The following BAZ1B variants were observed in gnomAD, a reference collection of about 807,000 sequenced individuals.
The protein encoded by BAZ1B is bromodomain adjacent to zinc finger domain 1B, also known as tyrosine-protein kinase BAZ1B.
BAZ1B carries 22 observed loss-of-function variants against 153.8 expected under a neutral mutation model. That is an observed-to-expected ratio of 0.14 (90% CI 0.10 to 0.20). The LOEUF is 0.20. Among genes scored for constraint, BAZ1B ranks in the 10% least tolerant of loss-of-function variants. BAZ1B has a pLI of 1.00. For synonymous variants in BAZ1B, 676 were observed against 633.4 expected, an observed-to-expected ratio of 1.07 and a Z score of -1.01; for missense variants, 1,325 against 1,799.3, an observed-to-expected ratio of 0.74 and a Z score of 4.77.
Position 73,521,884 on chromosome 7 carries a change from G to A in BAZ1B, c.50C>T (p.Pro17Leu). 1 of 1,504,242 alleles carries A rather than the reference G, an allele frequency of 6.6e-7. No individual in the cohort carries two copies. The highest frequency in any genetic ancestry group is 8.9e-7 in the Non-Finnish European group (1 of 1,122,540). 93.2% of individuals were successfully genotyped at this position (1,504,242 alleles called of 1,614,324 possible). A position where few individuals can be genotyped will look rare whatever the true frequency, so the allele number is the denominator to read the frequency against. ...RKPFPLVKPLPGEEPLFTIPH... is the reference protein window; with the variant it reads ...RKPFPLVKPLLGEEPLFTIPH... ...GATGGTGAAGAGCGGCTCCTCTCCG[G>A]GCAACGGCTTCACCAGCGGGAAGGG... Residue 17 changes from proline (P) to leucine (L), a missense_variant, in exon 1 of 20, where the codon CCC becomes CTC. By Grantham distance (98) the Pro-to-Leu change is moderately conservative. Around this residue, in one of 9 missense-constraint regions of BAZ1B, gnomAD observed 61 missense variants for 61.5 expected, o/e 0.99. Transcript: ENST00000339594.
At chr7:73,499,793 C>T (rs1462040967) in intron 3 of BAZ1B, among the ~76,000 whole-genome samples, 7 of 152,198 alleles carry the variant, frequency 4.6e-5, no homozygotes, top group South Asian at 4.1e-4. Flanking sequence ...TTCTTTATCC[C>T]TGGTTATATT....
intron 7 of BAZ1B, among the ~76,000 whole-genome samples, chr7:73,476,396 G>A (rs1789001689): frequency 6.6e-6 from 1 of 152,168 alleles, no homozygotes; most frequent in Admixed American, 6.6e-5. Flanking sequence ...AATCTTAAAG[G>A]ACAGATTACT....
intron 3 of BAZ1B, among the ~76,000 whole-genome samples, chr7:73,505,166 T>C (rs1162552546): frequency 6.6e-6 from 1 of 152,204 alleles, no homozygotes; most frequent in Non-Finnish European, 1.5e-5. Context: ...GCCAATAACA[T>C]GTAAAGATAA....
Position 73,462,923 on chromosome 7 carries a change from C to A in BAZ1B, c.3248G>T (p.Arg1083Leu). 6.2e-7 allele frequency: 1 copy of A among 1,613,932 alleles called. No homozygotes were observed. The highest frequency in any genetic ancestry group is 8.5e-7 in the Non-Finnish European group (1 of 1,179,896). ...YVEETSEFEARVISLEKLKDF... is the reference protein window; with the variant it reads ...YVEETSEFEALVISLEKLKDF... ...AGGGGGATTTTCTTATATTCCTACC[C>A]GGGCTTCAAATTCTGATGTTTCTTC... The change falls in exon 12 of 20, where the codon CGG becomes CTG. Residue 1083 changes from arginine (R) to leucine (L), a missense_variant and splice_region_variant. Arg to Leu is a moderately radical substitution (Grantham distance 102). Around this residue, in one of 9 missense-constraint regions of BAZ1B, gnomAD observed 431 missense variants for 563.5 expected, o/e 0.76. Coordinates refer to ENST00000339594, the MANE Select transcript of BAZ1B (RefSeq NM_032408.4).
intron 7 of BAZ1B, among the ~76,000 whole-genome samples, chr7:73,472,998 G>A (rs959479096): frequency 1.3e-5 from 2 of 150,970 alleles, no homozygotes; most frequent in African/African-American, 2.4e-5. Context: ...GCTGGAGTAC[G>A]GTGGCCGATC....
chr7:73,489,435 T>A, intron 5 of BAZ1B, 44 bp from the exon 6 acceptor site: 1 of 1,598,122 alleles, frequency 6.3e-7, no homozygotes, highest in Non-Finnish European at 8.6e-7. Context: ...GGGTAAAAAG[T>A]AATTACCCAA....
At chr7:73,469,679 C>A (rs1299892452) in intron 8 of BAZ1B, 29 bp from the exon 9 acceptor site, 1 of 1,612,202 alleles carries the variant, frequency 6.2e-7, no homozygotes, top group African/African-American at 1.3e-5. Context: ...ATTAATAAGA[C>A]AGTGAATAGA....
intron 10 of BAZ1B, among the ~76,000 whole-genome samples, chr7:73,465,937 G>A (rs1250593190): frequency 3.3e-5 from 5 of 151,970 alleles, no homozygotes; most frequent in Non-Finnish European, 7.4e-5. Flanking sequence ...TGCGCATAAA[G>A]GAAACGAATA....
chr7:73,447,025 T>C (rs1040676089), intron 16 of BAZ1B, among the ~76,000 whole-genome samples: 1 of 152,212 alleles, frequency 6.6e-6, no homozygotes, highest in African/African-American at 2.4e-5. Context: ...TACTAAATCT[T>C]AGAGCAAGTG....
At chr7:73,476,804 G>A in intron 7 of BAZ1B, 64 bp downstream of exon 7, 1 of 1,528,750 alleles carries the variant, frequency 6.5e-7, no homozygotes, top group Non-Finnish European at 8.7e-7. Flanking sequence ...CATTACCTCA[G>A]TAATTTCCTT....
intron 1 of BAZ1B, among the ~76,000 whole-genome samples, chr7:73,511,087 T>G (rs966284530): frequency 1.3e-5 from 2 of 151,806 alleles, no homozygotes; most frequent in African/African-American, 4.8e-5. Flanking sequence ...GCTAACACGG[T>G]GAAACCCCGT....
rs1188507691 is a variant in BAZ1B, at chr7:73,459,522, T to A, written c.3432+14A>T. 4 of 1,608,802 alleles carry A rather than the reference T, an allele frequency of 2.5e-6. No individual in the cohort carries two copies. Among genetic ancestry groups the A allele is most frequent in the South Asian group, 1.1e-5 (1 of 90,762 alleles). ...CTACGGAATCATAAACTACAACTTA[T>A]AACAACAAAATACCTTTGCTTCCTC... On this transcript the variant is annotated intron_variant, in intron 13 of 19. Transcript: ENST00000339594.
intron 7 of BAZ1B, 70 bp from the exon 8 acceptor site, chr7:73,470,553 T>C (rs1238483471): frequency 1.3e-6 from 2 of 1,560,456 alleles, no homozygotes; most frequent in Non-Finnish European, 1.7e-6. Flanking sequence ...TTAAATAAAA[T>C]ATGGAGTAAA....
At chr7:73,451,793 A>C (rs1788034288) in intron 13 of BAZ1B, among the ~76,000 whole-genome samples, 1 of 152,250 alleles carries the variant, frequency 6.6e-6, no homozygotes, top group Non-Finnish European at 1.5e-5. Flanking sequence ...TGAGGTCCAC[A>C]ATCACAGCTG....
At chr7:73,510,383 C>T (rs1364072527) in intron 2 of BAZ1B, among the ~76,000 whole-genome samples, 2 of 152,064 alleles carry the variant, frequency 1.3e-5, no homozygotes, top group African/African-American at 2.4e-5. Context: ...GAGCCGAGAT[C>T]GTGCCACTGC....
intron 13 of BAZ1B, 62 bp from the exon 14 acceptor site, chr7:73,451,056 AG>A: frequency 6.3e-7 from 1 of 1,583,758 alleles, no homozygotes; most frequent in Middle Eastern, 1.7e-4. Context: ...AGAGAGAACT[AG>A]GAACAGGGGA....
At chr7:73,504,200 C>G (rs563268940) in intron 3 of BAZ1B, among the ~76,000 whole-genome samples, 1 of 152,162 alleles carries the variant, frequency 6.6e-6, no homozygotes, top group Non-Finnish European at 1.5e-5. Context: ...TGCCAGGACA[C>G]TGACTGATAT....
At chr7:73,497,795 G>A (rs1163392789) in intron 4 of BAZ1B, among the ~76,000 whole-genome samples, 3 of 152,036 alleles carry the variant, frequency 2.0e-5, no homozygotes, top group Non-Finnish European at 4.4e-5. Context: ...CCATCACATT[G>A]GCTTATAATG....
At chr7:73,486,291 G>C (rs1487021386) in intron 6 of BAZ1B, among the ~76,000 whole-genome samples, 2 of 151,898 alleles carry the variant, frequency 1.3e-5, no homozygotes, top group Admixed American at 1.3e-4. Flanking sequence ...TCTCTCCCAC[G>C]TAAGCCCTCA....
Sources: allele counts gnomAD v4.1 joint callset (sites outside exome capture counted in the v4.1 genomes callset), GRCh38; gene constraint gnomAD v4.1.1; regional missense constraint gnomAD v4.1.1; transcripts MANE v1.5; gene names NCBI Gene and HGNC (gene_info 2026-07-23, HGNC 2026-07-21).